CPB2: variants seen among roughly 807,000 people sequenced by gnomAD.
The protein encoded by CPB2 is carboxypeptidase B2.
A neutral mutation model predicts 57.0 loss-of-function variants in CPB2; 54 were observed. The ratio of observed to expected loss-of-function variants is 0.95; its 90% CI spans 0.76 to 1.19. The LOEUF (loss-of-function observed/expected upper bound fraction) is 1.19. CPB2 is among the 50% of genes most tolerant of loss of function. The probability of loss-of-function intolerance (pLI) is 0.00; values close to 1 mark genes in which losing one functional copy is unlikely to be tolerated. For synonymous variants in CPB2, 189 were observed against 178.1 expected (o/e 1.06, Z -0.49); for missense variants, 426 against 512.0 (o/e 0.83, Z 1.62).
chr13:46,065,620 C>A (rs1283033652), intron 7 of CPB2, among the ~76,000 whole-genome samples: 1 of 112,864 alleles, frequency 8.9e-6, no homozygotes, highest in East Asian at 2.5e-4. Flanking sequence ...GAGCAAGACT[C>A]CGTCTCAAAA....
intron 5 of CPB2, among the ~76,000 whole-genome samples, chr13:46,076,988 A>T (rs996088371): frequency 6.6e-6 from 1 of 152,172 alleles, no homozygotes; most frequent in Non-Finnish European, 1.5e-5. Flanking sequence ...AGAAGAAAAC[A>T]TTGGGAAAAC....
chr13:46,055,680 A>G (rs751711939), intron 10 of CPB2, 82 bp downstream of exon 10: 3 of 789,058 alleles, frequency 3.8e-6, no homozygotes, highest in Non-Finnish European at 6.1e-6. Flanking sequence ...ATTCAGAAAA[A>G]TTAAATACAC....
intron 7 of CPB2, among the ~76,000 whole-genome samples, chr13:46,065,572 A>T (rs189753758): frequency 3.6e-5 from 5 of 139,970 alleles, no homozygotes; most frequent in Admixed American, 3.2e-4. Flanking sequence ...GCTTGCAGTG[A>T]GCCGAGATCT....
At chr13:46,075,015 G>C (rs2139378072) in intron 5 of CPB2, among the ~76,000 whole-genome samples, 1 of 152,308 alleles carries the variant, frequency 6.6e-6, no homozygotes, top group East Asian at 1.9e-4. Context: ...CCATGGACTG[G>C]TACCTGTCTG....
intron 7 of CPB2, 110 bp downstream of exon 7, chr13:46,067,197 A>AT (rs398117284): frequency 1.1e-5 from 6 of 533,404 alleles, no homozygotes; most frequent in African/African-American, 2.0e-5. Flanking sequence ...GTTAAAAAAA[A>AT]TTAATAATAA....
intron 8 of CPB2, among the ~76,000 whole-genome samples, chr13:46,060,616 T>C (rs1479898594): frequency 6.6e-6 from 1 of 152,228 alleles, no homozygotes; most frequent in Non-Finnish European, 1.5e-5. Context: ...CTTCAAATTC[T>C]GGTGTGTATT....
At chr13:46,077,831 T>G (rs1303281170) in intron 5 of CPB2, among the ~76,000 whole-genome samples, 1 of 152,118 alleles carries the variant, frequency 6.6e-6, no homozygotes, top group Non-Finnish European at 1.5e-5. Flanking sequence ...TGAAATAAGC[T>G]ATGTAGGGAA....
intron 8 of CPB2, among the ~76,000 whole-genome samples, 200 bp from the exon 9 acceptor site, chr13:46,058,581 C>T (rs2044729887): frequency 6.6e-6 from 1 of 152,162 alleles, no homozygotes; most frequent in South Asian, 2.1e-4. Context: ...CATAGCTGAC[C>T]TTCTAACAGT....
chr13:46,092,019 G>T (rs1014001733), intron 1 of CPB2, among the ~76,000 whole-genome samples: 8 of 152,128 alleles, frequency 5.3e-5, no homozygotes, highest in African/African-American at 1.9e-4. Context: ...GGTGGCATTT[G>T]CCAGCTCTGA....
At chr13:46,069,869 G>A (rs1366364157) in intron 6 of CPB2, among the ~76,000 whole-genome samples, 1 of 152,098 alleles carries the variant, frequency 6.6e-6, no homozygotes, top group Admixed American at 6.5e-5. Flanking sequence ...TGGGTCATAT[G>A]GTAACTCTAT....
At chr13:46,067,171 A>AT (rs2139364148) in intron 7 of CPB2, 136 bp downstream of exon 7, 1 of 490,612 alleles carries the variant, frequency 2.0e-6, no homozygotes, top group South Asian at 3.3e-5. Flanking sequence ...TATATTTGAC[A>AT]TTTTCCACAA....
At chr13:46,080,049 A>G (rs868637694) in intron 4 of CPB2, among the ~76,000 whole-genome samples, 3 of 152,238 alleles carry the variant, frequency 2.0e-5, no homozygotes, top group African/African-American at 7.2e-5. Context: ...TTATGCATTG[A>G]TACTTCAGTA....
At chr13:46,057,481 T>A (rs1299472086) in intron 9 of CPB2, among the ~76,000 whole-genome samples, 1 of 152,226 alleles carries the variant, frequency 6.6e-6, no homozygotes, top group Non-Finnish European at 1.5e-5. Context: ...GCTGTTGATG[T>A]AACACTTCCA....
chr13:46,089,772 G>T (rs1023262400), intron 1 of CPB2, among the ~76,000 whole-genome samples: 72 of 152,042 alleles, frequency 4.7e-4, no homozygotes, highest in Non-Finnish European at 7.4e-5. Flanking sequence ...CTGTCTATGC[G>T]GAAGATAGTC....
At chr13:46,090,381 G>T (rs1450640286) in intron 1 of CPB2, among the ~76,000 whole-genome samples, 2 of 123,770 alleles carry the variant, frequency 1.6e-5, no homozygotes, top group Non-Finnish European at 3.4e-5. Context: ...TTTTTTTTTG[G>T]AGATGGAGTC....
At chr13:46,081,327 T>A (rs2045113015) in intron 4 of CPB2, among the ~76,000 whole-genome samples, 1 of 152,166 alleles carries the variant, frequency 6.6e-6, no homozygotes, top group Admixed American at 6.5e-5. Context: ...CATTCCCCTC[T>A]CCCCACCAAA....
chr13:46,067,192 A>G, intron 7 of CPB2, 115 bp downstream of exon 7: 1 of 544,632 alleles, frequency 1.8e-6, no homozygotes, highest in Non-Finnish European at 3.3e-6. Context: ...TAAAAGTTAA[A>G]AAAAATTAAT....
intron 6 of CPB2, 39 bp downstream of exon 6, chr13:46,073,834 C>A: frequency 7.4e-7 from 1 of 1,360,266 alleles, no homozygotes; most frequent in Non-Finnish European, 1.0e-6. Context: ...TCTTGGGCAC[C>A]ATTTTGAGAA....
intron 8 of CPB2, among the ~76,000 whole-genome samples, chr13:46,063,002 T>TA (rs1287104113): frequency 6.6e-6 from 1 of 152,188 alleles, no homozygotes; most frequent in Non-Finnish European, 1.5e-5. Context: ...GTGGATACAA[T>TA]AGCTTCTCTC....
Sources: allele counts gnomAD v4.1 joint callset (sites outside exome capture counted in the v4.1 genomes callset), GRCh38; gene constraint gnomAD v4.1.1; transcripts MANE v1.5; gene names NCBI Gene and HGNC (gene_info 2026-07-23, HGNC 2026-07-21).